KMT2A: variants seen among roughly 807,000 people sequenced by gnomAD.
KMT2A encodes the protein histone-lysine N-methyltransferase 2A.
A neutral mutation model predicts 345.3 loss-of-function variants in KMT2A; 16 were observed. That is an observed-to-expected ratio of 0.05 (90% CI 0.03 to 0.07). The LOEUF is 0.07. Ranked by LOEUF, KMT2A falls within the 10% of genes least tolerant of loss-of-function variation. The pLI is 1.00. For missense variants in KMT2A, 3,272 were observed against 4,841.6 expected (o/e 0.68, Z 9.62); for synonymous variants, 1,599 against 1,778.6 (o/e 0.90, Z 2.54).
Position 118,501,114 on chromosome 11 carries a change from A to C in KMT2A, c.6286A>C (p.Arg2096=), listed in dbSNP as rs1245009287. 1 of 1,614,018 alleles carries C rather than the reference A, an allele frequency of 6.2e-7. No individual in the cohort carries two copies. ...INSTVEHDEN[R]TIAHSPTSFT... Reference sequence around the variant, plus strand: ...CAGCACTGTTGAACATGATGAAAACAGGACCATTGCCCATAGTCCAACATC... The same window carrying C: ...CAGCACTGTTGAACATGATGAAAACCGGACCATTGCCCATAGTCCAACATC... The change falls in exon 25 of 36, where the codon AGG becomes CGG. Residue 2096 remains arginine (R), a synonymous_variant. Coordinates refer to ENST00000534358, the MANE Select transcript of KMT2A (RefSeq NM_001197104.2).
rs1228384552 is a variant in KMT2A at position 118,490,615 on chromosome 11, C to T, written c.4696+366C>T. Among the ~76,000 whole-genome samples the T allele has an allele frequency of 6.6e-6, 1 of 151,808 alleles. No individual in the cohort carries two copies. The highest frequency in any genetic ancestry group is 1.5e-5 in the Non-Finnish European group (1 of 67,964). The stretch of plus-strand genomic sequence containing the variant: ...TATTAATATAACTAATACATTAAAC[C>T]TGTTATATTACTGACTTAGGATAAT... On this transcript the variant is annotated intron_variant, in intron 13 of 35. Transcript: ENST00000534358. This position sits in a 1 kb window ranked among gnomAD's most constrained non-coding sequence, Gnocchi z 4.2.
At position 118,495,167 on chromosome 11, in the gene KMT2A, T is replaced by TA. The variant is rs561680189; in HGVS notation, c.5363+400_5363+401insA. ...ATTTGATTTTATTTATTTATTTATTTTTTTTTTTTTGAGACGGAGTCTCGT... is the reference window on the plus strand; with the variant it reads ...ATTTGATTTTATTTATTTATTTATTTATTTTTTTTTTGAGACGGAGTCTCGT... On this transcript the variant is annotated intron_variant, in intron 18 of 35. Transcript: ENST00000534358. The surrounding 1 kb of genome is among the most constrained non-coding windows in gnomAD (Gnocchi z 4.1). 7.0e-4 allele frequency among the ~76,000 whole-genome samples: 106 copies of TA among 150,360 alleles called. No individual in the cohort carries two copies. Among genetic ancestry groups the TA allele is most frequent in the Middle Eastern group, 3.5e-3 (1 of 288 alleles).
At chr11:118,475,595 C>T (rs967025023) in intron 3 of KMT2A, among the ~76,000 whole-genome samples, 1 of 151,992 alleles carries the variant, frequency 6.6e-6, no homozygotes, top group Non-Finnish European at 1.5e-5. Context: ...TGGTGGCATG[C>T]GCCTGTAGTC....
Position 118,436,645 on chromosome 11 carries a change from C to A in KMT2A, c.133C>A (p.Pro45Thr). 8.6e-7 allele frequency: 1 copy of A among 1,166,580 alleles called. No individual in the cohort carries two copies. The highest frequency in any genetic ancestry group is 1.1e-6 in the Non-Finnish European group (1 of 943,660). The allele number at this position is 1,166,580 out of a possible 1,614,324, so 72.3% of individuals were successfully genotyped here. Residue 45 changes from proline (P) to threonine (T), a missense_variant, in exon 1 of 36, where the codon CCG becomes ACG. By Grantham distance (38) the Pro-to-Thr change is conservative. Coordinates refer to ENST00000534358, the MANE Select transcript of KMT2A (RefSeq NM_001197104.2). The surrounding 1 kb of genome is among the most constrained non-coding windows in gnomAD (Gnocchi z 6.9). ...GGCCCTGCTGCTTCCCCCCGGGCCCCCGGTCGGCGGTGGCGGCCCCGGGGC... is the reference window on the plus strand; with the variant it reads ...GGCCCTGCTGCTTCCCCCCGGGCCCACGGTCGGCGGTGGCGGCCCCGGGGC... ...VPALLLPPGP[P>T]VGGGGPGAPP...
intron 1 of KMT2A, among the ~76,000 whole-genome samples, chr11:118,444,780 G>A (rs1386761103): frequency 6.6e-6 from 1 of 152,128 alleles, no homozygotes; most frequent in Non-Finnish European, 1.5e-5. Context: ...TCACCATGTT[G>A]CCCAGGTTGG....
chr11:118,448,851 C>T (rs782416273), intron 1 of KMT2A: 5 of 152,112 alleles, frequency 3.3e-5, no homozygotes, highest in Non-Finnish European at 4.4e-5. Context: ...CAGTTTGACT[C>T]CTTAATTATA....
chr11:118,467,334 G>A (rs1949863043), intron 1 of KMT2A, among the ~76,000 whole-genome samples: 2 of 150,204 alleles, frequency 1.3e-5, no homozygotes, highest in African/African-American at 2.5e-5. Context: ...CTGAGATCGC[G>A]CCACTGCACT....
Position 118,502,303 on chromosome 11 carries a change from A to AAT in KMT2A, c.6506-81_6506-80dup, listed in dbSNP as rs147292591. On this transcript the variant is annotated intron_variant, in intron 26 of 35. Coordinates refer to ENST00000534358, the MANE Select transcript of KMT2A (RefSeq NM_001197104.2). This position sits in a 1 kb window ranked among gnomAD's most constrained non-coding sequence, Gnocchi z 4.9. Reference sequence around the variant, plus strand: ...AAATGTAGATTTCCAGTTACCTATAAATATATATATATATAGTCAAATCAT... The same window carrying AAT: ...AAATGTAGATTTCCAGTTACCTATAAATATATATATATATATAGTCAAATCAT... 35,890 of 599,334 alleles carry AAT rather than the reference A, an allele frequency of 0.06. 754 individuals carry two copies. The highest frequency in any genetic ancestry group is 0.14 in the Admixed American group (3,963 of 27,440). 37.1% of individuals were successfully genotyped at this position (599,334 alleles called of 1,614,324 possible).
In KMT2A at chr11:118,503,980, A is replaced by G; in HGVS notation, c.8088A>G (p.Gly2696=). 1 of 1,614,216 alleles carries G rather than the reference A, an allele frequency of 6.2e-7. No individual in the cohort carries two copies. Among genetic ancestry groups the G allele is most frequent in the Non-Finnish European group, 8.5e-7 (1 of 1,180,048 alleles). The change falls in exon 27 of 36, where the codon GGA becomes GGG. Residue 2696 remains glycine (G), a synonymous_variant. Transcript: ENST00000534358. The surrounding 1 kb of genome is among the most constrained non-coding windows in gnomAD (Gnocchi z 5.3). ...NFTRTVISSG[G]EERLASHNLF... ...CTAGAACAGTGATTTCTTCAGGTGG[A>G]GAGGAACGACTGGCATCCCATAATT...
rs1950378982 is a variant in KMT2A, at chr11:118,494,809, A to G, written c.5363+42A>G. ...TAACTTTTTTTTCTCCTCATCGGCT[A>G]GAAATCTGAGAGTTCTCATATTTCT... On this transcript the variant is annotated intron_variant, in intron 18 of 35. Coordinates refer to ENST00000534358, the MANE Select transcript of KMT2A (RefSeq NM_001197104.2). The surrounding 1 kb of genome is among the most constrained non-coding windows in gnomAD (Gnocchi z 5.8). The G allele has an allele frequency of 6.9e-7, 1 of 1,450,158 alleles. No individual in the cohort carries two copies. Among genetic ancestry groups the G allele is most frequent in the African/African-American group, 1.4e-5 (1 of 71,600 alleles). 89.8% of individuals were successfully genotyped at this position (1,450,158 alleles called of 1,614,324 possible). A position where few individuals can be genotyped will look rare whatever the true frequency, so the allele number is the denominator to read the frequency against.
intron 6 of KMT2A, 45 bp downstream of exon 6, chr11:118,480,283 A>C (rs782022457): frequency 7.5e-5 from 111 of 1,483,760 alleles, no homozygotes; most frequent in Admixed American, 3.3e-5. Flanking sequence ...CCTTGCTTAA[A>C]TGGTGTATAG....
Position 118,436,601 on chromosome 11 carries a change from C to A in KMT2A, c.89C>A (p.Ala30Asp). 1 of 1,166,958 alleles carries A rather than the reference C, an allele frequency of 8.6e-7. No individual in the cohort carries two copies. 72.3% of individuals were successfully genotyped at this position (1,166,958 alleles called of 1,614,324 possible). A position where few individuals can be genotyped will look rare whatever the true frequency, so the allele number is the denominator to read the frequency against. ...GGGGGGCGCCGGGGCCTAGGGGGCG[C>A]CCCGCGGCAACGCGTCCCGGCCCTG... The part of the protein sequence containing the change: ...GGGGRRGLGG[A>D]PRQRVPALLL... Residue 30 changes from alanine to aspartate, a missense_variant, in exon 1 of 36, where the codon GCC (alanine) becomes GAC (aspartate). By Grantham distance (126) the Ala-to-Asp change is moderately radical. Transcript: ENST00000534358. This position sits in a 1 kb window ranked among gnomAD's most constrained non-coding sequence, Gnocchi z 6.9.
At chr11:118,458,168 G>A (rs1555031429) in intron 1 of KMT2A, 4 of 397,106 alleles carry the variant, frequency 1.0e-5, no homozygotes, top group Admixed American at 2.7e-5. Context: ...ACTGCAGCCT[G>A]TATCTTCTGG....
intron 1 of KMT2A, 178 bp from the exon 2 acceptor site, chr11:118,468,597 A>G (rs1332502390): frequency 7.1e-6 from 4 of 566,848 alleles, no homozygotes; most frequent in Non-Finnish European, 1.3e-5. Context: ...ATAAAGCTGT[A>G]TGGCTGGGTC....
Position 118,519,944 on chromosome 11 carries a change from CT to C in KMT2A, c.11322-9del, listed in dbSNP as rs2135285091. On this transcript the variant is annotated splice_polypyrimidine_tract_variant and intron_variant, in intron 32 of 35. Coordinates refer to ENST00000534358, the MANE Select transcript of KMT2A (RefSeq NM_001197104.2). ...AGCATTTCTCTAAATATGTTTTAAT[CT>C]TTTGGCCCCAGGAAGTCAGCATTTG... 2 of 1,606,088 alleles carry C rather than the reference CT, an allele frequency of 1.2e-6. No homozygotes were observed. Among genetic ancestry groups the C allele is most frequent in the African/African-American group, 1.3e-5 (1 of 74,802 alleles).
intron 1 of KMT2A, chr11:118,458,147 G>C (rs868955123): frequency 2.6e-6 from 1 of 390,358 alleles, no homozygotes; most frequent in South Asian, 1.8e-5. Flanking sequence ...GCAGTGTCTC[G>C]ATCACAGTTC....
chr11:118,500,248 A>C lies in KMT2A; in HGVS notation c.6158+335A>C, dbSNP rs142319007. Among the ~76,000 whole-genome samples the C allele has an allele frequency of 2.7e-3, 417 of 152,326 alleles. 2 individuals are homozygous for C. The highest frequency in any genetic ancestry group is 9.2e-3 in the African/African-American group (381 of 41,572). On this transcript the variant is annotated intron_variant, in intron 24 of 35. Coordinates refer to ENST00000534358, the MANE Select transcript of KMT2A (RefSeq NM_001197104.2). ...ATTGTTTTTATGGATAAAACAGCTC[A>C]TGCCCTGTTCCCAACTTTACAGTTT...
Position 118,494,053 on chromosome 11 carries a change from T to C in KMT2A, c.5179-235T>C, listed in dbSNP as rs1461027850. 6.6e-6 allele frequency among the ~76,000 whole-genome samples: 1 copy of C among 152,216 alleles called. No individual in the cohort carries two copies. Among genetic ancestry groups the C allele is most frequent in the African/African-American group, 2.4e-5 (1 of 41,456 alleles). The stretch of plus-strand genomic sequence containing the variant: ...ACTGTGGACCTGCTTGGATAATTTA[T>C]CATGATACAGCCAATTTGTTTGCAT... On this transcript the variant is annotated intron_variant, in intron 16 of 35. Coordinates refer to ENST00000534358, the MANE Select transcript of KMT2A (RefSeq NM_001197104.2). The surrounding 1 kb of genome is among the most constrained non-coding windows in gnomAD (Gnocchi z 5.8).
intron 10 of KMT2A, chr11:118,488,401 C>A (rs1591392950): frequency 1.0e-5 from 6 of 595,808 alleles, no homozygotes; most frequent in South Asian, 7.0e-5. Context: ...TTGTTACTTT[C>A]TATTTCCACT....
Sources: allele counts gnomAD v4.1 joint callset (sites outside exome capture counted in the v4.1 genomes callset), GRCh38; gene constraint gnomAD v4.1.1; non-coding constraint Gnocchi (gnomAD v3.1); transcripts MANE v1.5; gene names NCBI Gene and HGNC (gene_info 2026-07-23, HGNC 2026-07-21).